Variants in GABRG1 observed in about 807,000 individuals in gnomAD.
GABRG1 encodes gamma-aminobutyric acid type A receptor subunit gamma1.
GABRG1 carries 49 observed loss-of-function variants against 49.8 expected under a neutral mutation model. That is an observed-to-expected ratio of 0.98 (90% CI 0.78 to 1.25). GABRG1 has a LOEUF of 1.25. Among genes scored for constraint, GABRG1 ranks in the 50% most tolerant of loss-of-function variants. The pLI, the probability that GABRG1 is intolerant of heterozygous loss-of-function variation, is 0.00. For missense variants in GABRG1, 552 were observed against 552.3 expected (o/e 1.00, Z 0.01); for synonymous variants, 232 against 185.1 (o/e 1.25, Z -2.06).
intron 1 of GABRG1, among the ~76,000 whole-genome samples, chr4:46,116,780 C>A (rs1027059520): frequency 1.3e-5 from 2 of 150,650 alleles, no homozygotes; most frequent in Admixed American, 6.6e-5. Context: ...ATTCCAGAGA[C>A]AAATATACAT....
rs149654458 is a variant in GABRG1, at chr4:46,091,563, T to G, written c.253+5638A>C. On this transcript the variant is annotated intron_variant, in intron 2 of 8. Coordinates refer to ENST00000295452, the MANE Select transcript of GABRG1 (RefSeq NM_173536.4). ...AGAAAAGATTGCAAATATTATAGTA[T>G]ACCTGAAATTGATTTAAAAATCAGG... Among the ~76,000 whole-genome samples the G allele has an allele frequency of 2.2e-4, 34 of 152,196 alleles. No individual in the cohort carries two copies. In the East Asian group the frequency reaches 6.2e-3, roughly 28 times the overall value.
At chr4:46,106,312 G>T (rs1720544919) in intron 1 of GABRG1, among the ~76,000 whole-genome samples, 1 of 151,368 alleles carries the variant, frequency 6.6e-6, no homozygotes, top group South Asian at 2.1e-4. Flanking sequence ...CTTTCCTGAT[G>T]TTTGGTTGAT....
At chr4:46,113,507 C>T (rs758119923) in intron 1 of GABRG1, among the ~76,000 whole-genome samples, 12 of 150,774 alleles carry the variant, frequency 8.0e-5, no homozygotes, top group Admixed American at 1.3e-4. Flanking sequence ...TGAGATTTGG[C>T]GGGGGGGACA....
intron 1 of GABRG1, among the ~76,000 whole-genome samples, chr4:46,119,621 G>T (rs938065056): frequency 2.0e-5 from 3 of 151,318 alleles, no homozygotes; most frequent in African/African-American, 2.4e-5. Flanking sequence ...TAGTCTTCTG[G>T]TATTGCTGAT....
At chr4:46,083,070 T>TG (rs1479975303) in intron 3 of GABRG1, among the ~76,000 whole-genome samples, 2 of 151,740 alleles carry the variant, frequency 1.3e-5, no homozygotes, top group East Asian at 1.9e-4. Context: ...CATGAGCATT[T>TG]GGGGTACATA....
chr4:46,038,276 G>A lies in GABRG1; in HGVS notation c.*2712C>T, dbSNP rs775190427. Reference sequence around the variant, plus strand: ...GAGCCTAATTTTGTCCATGGAATTCGAAGATAAATAAAATATTACCCTGTC... The same window carrying A: ...GAGCCTAATTTTGTCCATGGAATTCAAAGATAAATAAAATATTACCCTGTC... On this transcript the variant is annotated 3_prime_UTR_variant, in exon 9 of 9. Transcript: ENST00000295452. The A allele has an allele frequency of 1.5e-4, 23 of 151,512 alleles. No individual in the cohort carries two copies. The highest frequency in any genetic ancestry group is 5.8e-4 in the East Asian group (3 of 5,158). 9.4% of individuals were successfully genotyped at this position (151,512 alleles called of 1,614,324 possible).
At chr4:46,075,132 G>C (rs984725011) in intron 3 of GABRG1, among the ~76,000 whole-genome samples, 4 of 151,510 alleles carry the variant, frequency 2.6e-5, no homozygotes, top group Non-Finnish European at 5.9e-5. Flanking sequence ...AGATGAACAC[G>C]GTTTCTTTCA....
At chr4:46,085,348 G>A (rs1457123617) in intron 2 of GABRG1, among the ~76,000 whole-genome samples, 2 of 151,542 alleles carry the variant, frequency 1.3e-5, no homozygotes, top group South Asian at 2.1e-4. Flanking sequence ...ATTTTAGCAT[G>A]AGTTACATAG....
At chr4:46,121,433 T>C (rs1229392194) in intron 1 of GABRG1, among the ~76,000 whole-genome samples, 2 of 151,994 alleles carry the variant, frequency 1.3e-5, no homozygotes, top group Non-Finnish European at 2.9e-5. Context: ...TAAAAGAATG[T>C]TCATTGCAAC....
At chr4:46,104,116 CA>C (rs995345738) in intron 1 of GABRG1, among the ~76,000 whole-genome samples, 1 of 151,088 alleles carries the variant, frequency 6.6e-6, no homozygotes, top group Non-Finnish European at 1.5e-5. Context: ...TACTTAGTGC[CA>C]AAAATTTCAT....
intron 1 of GABRG1, among the ~76,000 whole-genome samples, chr4:46,099,099 A>T (rs2109432577): frequency 6.6e-6 from 1 of 151,860 alleles, no homozygotes; most frequent in East Asian, 2.0e-4. Flanking sequence ...ACAGTGTATT[A>T]TTAACAATGT....
Position 46,057,458 on chromosome 4 carries a change from C to A in GABRG1, c.916+759G>T, listed in dbSNP as rs1225370555. Among the ~76,000 whole-genome samples the A allele has an allele frequency of 2.0e-5, 3 of 152,164 alleles. No homozygotes were observed. In the East Asian group the frequency reaches 5.8e-4, roughly 29 times the overall value. ...TCTTTCACTGATTTGGGGGGTGAAT[C>A]AATTGATTAACAAGTTTTATTCCTA... is the stretch of plus-strand genomic sequence containing the variant. On this transcript the variant is annotated intron_variant, in intron 7 of 8. Transcript: ENST00000295452.
intron 5 of GABRG1, among the ~76,000 whole-genome samples, chr4:46,063,705 C>T (rs2109407434): frequency 6.6e-6 from 1 of 152,162 alleles, no homozygotes; most frequent in South Asian, 2.1e-4. Flanking sequence ...TAAAGAGCTT[C>T]TGCACAGCAA....
chr4:46,109,925 T>C (rs911832933), intron 1 of GABRG1, among the ~76,000 whole-genome samples: 2 of 151,084 alleles, frequency 1.3e-5, no homozygotes, highest in African/African-American at 4.8e-5. Flanking sequence ...ATGTGCTTTA[T>C]GGCTGAGCAT....
At chr4:46,059,445 G>T (rs1052803643) in intron 5 of GABRG1, among the ~76,000 whole-genome samples, 1 of 151,814 alleles carries the variant, frequency 6.6e-6, no homozygotes, top group Non-Finnish European at 1.5e-5. Context: ...GGAGTGCAGT[G>T]GCACGATCTT....
At chr4:46,097,682 A>G (rs545400243) in intron 1 of GABRG1, among the ~76,000 whole-genome samples, 32 of 151,776 alleles carry the variant, frequency 2.1e-4, no homozygotes, top group African/African-American at 7.5e-4. Context: ...AAATCTGTGC[A>G]CCCATATGTG....
chr4:46,110,975 C>A (rs73146809), intron 1 of GABRG1, among the ~76,000 whole-genome samples: 2,634 of 151,128 alleles, frequency 0.017, 81 homozygotes, highest in African/African-American at 0.061. Context: ...TCCTATTCAA[C>A]GTAAGACTAG....
chr4:46,119,354 T>C (rs1721027074), intron 1 of GABRG1, among the ~76,000 whole-genome samples: 1 of 151,470 alleles, frequency 6.6e-6, no homozygotes, highest in South Asian at 2.1e-4. Context: ...ATTGCATTCA[T>C]AATCTGAGAG....
rs181926522 is a variant in GABRG1 at position 46,066,287 on chromosome 4, A to G, written c.322-703T>C. Among the ~76,000 whole-genome samples, 308 of 152,252 alleles carry G rather than the reference A, an allele frequency of 2.0e-3. 1 individual carries two copies. Among genetic ancestry groups the G allele is most frequent in the Non-Finnish European group, 3.4e-3 (231 of 68,004 alleles). On this transcript the variant is annotated intron_variant, in intron 3 of 8. Transcript: ENST00000295452. ...AACCAAATTTTTTAAGAGCCCTTAC[A>G]TTGTTTTTTGTCTAAAAAGTTAATT...
Sources: gnomAD v4.1 joint callset for allele counts (sites outside exome capture counted in the v4.1 genomes callset) on GRCh38, gnomAD v4.1.1 for gene constraint, MANE v1.5 for transcripts, NCBI Gene and HGNC (gene_info 2026-07-23, HGNC 2026-07-21) for gene names.